The following MAML2 variants were observed in gnomAD, a reference collection of about 807,000 sequenced individuals.
MAML2 encodes mastermind like transcriptional coactivator 2.
In MAML2, 22 loss-of-function variants were observed where a neutral mutation model predicts 96.1. That is an observed-to-expected ratio of 0.23 (90% confidence interval 0.16 to 0.33). The LOEUF (loss-of-function observed/expected upper bound fraction) is 0.33. Among genes scored for constraint, MAML2 ranks in the 10% least tolerant of loss-of-function variants. The probability of loss-of-function intolerance (pLI) is 1.00; values close to 1 mark genes in which losing one functional copy is unlikely to be tolerated. For synonymous variants in MAML2, 561 were observed against 521.3 expected (o/e 1.08, Z -1.04); for missense variants, 1,367 against 1,392.4 (o/e 0.98, Z 0.29).
intron 1 of MAML2, among the ~76,000 whole-genome samples, chr11:96,178,647 G>A (rs1028812857): frequency 3.3e-5 from 5 of 152,186 alleles, no homozygotes; most frequent in South Asian, 2.1e-4. Flanking sequence ...ACAAAAGCCA[G>A]CTTTAATCAA....
intron 1 of MAML2, among the ~76,000 whole-genome samples, chr11:96,162,516 C>A (rs1265727708): frequency 3.3e-5 from 5 of 151,512 alleles, no homozygotes; most frequent in Admixed American, 3.3e-4. Flanking sequence ...GAGTTGGAGA[C>A]CAGCCTGACC....
chr11:96,238,917 G>GAAAACCCA (rs1862397785), intron 1 of MAML2, among the ~76,000 whole-genome samples: 1 of 152,200 alleles, frequency 6.6e-6, no homozygotes, highest in Non-Finnish European at 1.5e-5. Flanking sequence ...TTGGGTTTCA[G>GAAAACCCA]AAGTCTGTGG....
chr11:96,031,326 T>A (rs1183722543), intron 2 of MAML2, among the ~76,000 whole-genome samples: 1 of 143,556 alleles, frequency 7.0e-6, no homozygotes, highest in African/African-American at 2.6e-5. Context: ...ATTATTTCCA[T>A]TTAACAGTTT....
chr11:96,044,665 A>G (rs941520102), intron 2 of MAML2, among the ~76,000 whole-genome samples: 12 of 152,214 alleles, frequency 7.9e-5, no homozygotes, highest in Admixed American at 2.6e-4. Flanking sequence ...GCAACCATGC[A>G]GGTAGCTGGG....
intron 1 of MAML2, among the ~76,000 whole-genome samples, chr11:96,156,434 G>A (rs892474797): frequency 1.3e-5 from 2 of 152,154 alleles, no homozygotes; most frequent in South Asian, 2.1e-4. Context: ...TTGAGAGGGA[G>A]GCTAACTCTC....
intron 1 of MAML2, among the ~76,000 whole-genome samples, chr11:96,318,536 A>G (rs1273704266): frequency 6.6e-6 from 1 of 152,254 alleles, no homozygotes; most frequent in African/African-American, 2.4e-5. Context: ...ATTGTGGCAG[A>G]TAAAGAAAAC....
chr11:96,212,380 G>A (rs1045491542), intron 1 of MAML2, among the ~76,000 whole-genome samples: 2 of 151,876 alleles, frequency 1.3e-5, no homozygotes, highest in South Asian at 2.1e-4. Context: ...AGATCCTAAA[G>A]AATGTAACAC....
chr11:96,050,941 C>A (rs1858980744), intron 2 of MAML2, among the ~76,000 whole-genome samples: 1 of 152,154 alleles, frequency 6.6e-6, no homozygotes, highest in East Asian at 1.9e-4. Context: ...AGTTCTGATC[C>A]TATATTCTTC....
chr11:96,193,347 C>T (rs12274886), intron 1 of MAML2, among the ~76,000 whole-genome samples: 41,017 of 151,920 alleles, frequency 0.27, 5,842 homozygotes, highest in Non-Finnish European at 0.32. Context: ...CCAGCCTGGG[C>T]GACAGGGCGA....
At chr11:96,165,955 G>A (rs1169459837) in intron 1 of MAML2, among the ~76,000 whole-genome samples, 1 of 152,116 alleles carries the variant, frequency 6.6e-6, no homozygotes, top group Non-Finnish European at 1.5e-5. Flanking sequence ...ATTTGTGCAG[G>A]TATCATGCAC....
intron 1 of MAML2, among the ~76,000 whole-genome samples, chr11:96,326,212 T>C (rs1863776726): frequency 6.6e-6 from 1 of 151,016 alleles, no homozygotes; most frequent in Non-Finnish European, 1.5e-5. Context: ...CCCTATTCCA[T>C]CATCTTTTTC....
intron 1 of MAML2, among the ~76,000 whole-genome samples, chr11:96,178,683 A>G (rs1221205526): frequency 6.6e-6 from 1 of 152,228 alleles, no homozygotes; most frequent in Non-Finnish European, 1.5e-5. Flanking sequence ...ACATAAAAAC[A>G]TACGCAGCTG....
chr11:96,201,792 A>G (rs1861826432), intron 1 of MAML2, among the ~76,000 whole-genome samples: 1 of 151,356 alleles, frequency 6.6e-6, no homozygotes, highest in African/African-American at 2.4e-5. Flanking sequence ...GGTGGCGGGC[A>G]CCTGTAGTCC....
At chr11:96,244,284 G>A (rs1862482841) in intron 1 of MAML2, among the ~76,000 whole-genome samples, 1 of 152,198 alleles carries the variant, frequency 6.6e-6, no homozygotes. Context: ...ATCTTAATAA[G>A]ACAAGGTGCT....
At chr11:96,059,117 C>A (rs1324903506) in intron 2 of MAML2, among the ~76,000 whole-genome samples, 1 of 152,154 alleles carries the variant, frequency 6.6e-6, no homozygotes, top group Non-Finnish European at 1.5e-5. Context: ...AAAAGAGGAA[C>A]CTGAGGCACA....
intron 1 of MAML2, among the ~76,000 whole-genome samples, chr11:96,340,752 T>A (rs1239250940): frequency 1.3e-5 from 2 of 151,384 alleles, no homozygotes; most frequent in Non-Finnish European, 2.9e-5. Flanking sequence ...AGTGAGAGAG[T>A]CTAGAGGGAA....
At chr11:96,110,738 A>T (rs1860105510) in intron 1 of MAML2, among the ~76,000 whole-genome samples, 1 of 152,206 alleles carries the variant, frequency 6.6e-6, no homozygotes, top group African/African-American at 2.4e-5. Context: ...TCCATGGGAG[A>T]CTTACAAAAG....
intron 1 of MAML2, among the ~76,000 whole-genome samples, chr11:96,119,425 C>A (rs1444925841): frequency 2.6e-5 from 4 of 152,208 alleles, no homozygotes; most frequent in East Asian, 3.8e-4. Context: ...TGGAACAGAC[C>A]TGGAAACAGG....
At chr11:96,060,584 C>T (rs1565202524) in intron 2 of MAML2, among the ~76,000 whole-genome samples, 1 of 152,062 alleles carries the variant, frequency 6.6e-6, no homozygotes, top group Non-Finnish European at 1.5e-5. Context: ...AATGAAAAGA[C>T]CTAATGAGAA....
Sources: gnomAD v4.1 joint callset for allele counts (sites outside exome capture counted in the v4.1 genomes callset) on GRCh38, gnomAD v4.1.1 for gene constraint, MANE v1.5 for transcripts, NCBI Gene and HGNC (gene_info 2026-07-23, HGNC 2026-07-21) for gene names.